Variants in PRPF18 observed in about 807,000 individuals in gnomAD.
PRPF18 encodes pre-mRNA-splicing factor 18.
A neutral mutation model predicts 46.5 loss-of-function variants in PRPF18; 38 were observed. The ratio of observed to expected loss-of-function variants is 0.82; its 90% CI spans 0.63 to 1.07. The LOEUF (loss-of-function observed/expected upper bound fraction) is 1.07. Ranked by LOEUF, PRPF18 falls within the 50% of genes least tolerant of loss-of-function variation. PRPF18 has a pLI of 0.00. For synonymous variants in PRPF18, 152 were observed against 146.7 expected, an observed-to-expected ratio of 1.04 and a Z score of -0.26; for missense variants, 263 against 410.0, an observed-to-expected ratio of 0.64 and a Z score of 3.10.
Position 13,616,556 on chromosome 10 carries a change from A to G in PRPF18, c.948+3A>G, listed in dbSNP as rs753733710. On this transcript the variant is annotated splice_donor_region_variant and intron_variant, in intron 9 of 9. Coordinates refer to ENST00000378572, the MANE Select transcript of PRPF18 (RefSeq NM_003675.4). Reference sequence around the variant, plus strand: ...AAACTCAGCGGAAATATATTCAGGTAAGCAGTTTGGAGAGCCGGGAATTGC... The same window carrying G: ...AAACTCAGCGGAAATATATTCAGGTGAGCAGTTTGGAGAGCCGGGAATTGC... 1 of 1,613,892 alleles carries G rather than the reference A, an allele frequency of 6.2e-7. No individual in the cohort carries two copies. The highest frequency in any genetic ancestry group is 1.7e-5 in the Admixed American group (1 of 59,984).
chr10:13,614,846 G>T (rs2080318624), intron 8 of PRPF18, among the ~76,000 whole-genome samples: 1 of 152,214 alleles, frequency 6.6e-6, no homozygotes, highest in African/African-American at 2.4e-5. Flanking sequence ...GCTTCTTGTG[G>T]CCGTGCCTCC....
the PRPF18 span, chr10:13,651,114 TTCGACGTGAATCTTG>T: frequency 6.6e-6 from 1 of 152,226 alleles, no homozygotes. Context: ...CTTTGCAGAT[TTCGACGTGAATCTTG>T]TTAAATGCAC....
intron 5 of PRPF18, 31 bp downstream of exon 5, chr10:13,610,216 T>G (rs905051719): frequency 6.3e-7 from 1 of 1,598,580 alleles, no homozygotes; most frequent in African/African-American, 1.3e-5. Context: ...AGCACATCCC[T>G]GGCACCCTTC....
chr10:13,599,121 GTTTC>G (rs1288334503), intron 2 of PRPF18, among the ~76,000 whole-genome samples: 5 of 152,124 alleles, frequency 3.3e-5, no homozygotes, highest in Non-Finnish European at 7.4e-5. Context: ...AAGCACAGGT[GTTTC>G]TTTCTAAAGA....
At chr10:13,623,308 C>T (rs1181241319) in intron 9 of PRPF18, among the ~76,000 whole-genome samples, 2 of 152,108 alleles carry the variant, frequency 1.3e-5, no homozygotes, top group Admixed American at 1.3e-4. Context: ...TTACTAAGTA[C>T]ACATTTTTTG....
At chr10:13,653,162 C>A in the PRPF18 span, 1 of 152,334 alleles carries the variant, frequency 6.6e-6, no homozygotes, top group East Asian at 1.9e-4. Flanking sequence ...AGTGTTAGGA[C>A]CCTTTCTTGC....
At position 13,610,054 on chromosome 10, in the gene PRPF18, T is replaced by C. The variant is rs1488865772; in HGVS notation, c.379T>C (p.Leu127=). 6.2e-7 allele frequency: 1 copy of C among 1,611,644 alleles called. No homozygotes were observed. Among genetic ancestry groups the C allele is most frequent in the Non-Finnish European group, 8.5e-7 (1 of 1,178,058 alleles). ...CTTTTCTTAGGGATTGAGGAATGATTTGAAAGCAGCCTTGGATAAGATTGA... is the reference window on the plus strand; with the variant it reads ...CTTTTCTTAGGGATTGAGGAATGATCTGAAAGCAGCCTTGGATAAGATTGA... ...PEVNKGLRND[L]KAALDKIDQQ... The change falls in exon 5 of 10, where the codon TTG becomes CTG. Residue 127 remains leucine, a synonymous_variant. Coordinates refer to ENST00000378572, the MANE Select transcript of PRPF18 (RefSeq NM_003675.4).
chr10:13,621,036 T>C (rs1003756591), intron 9 of PRPF18, among the ~76,000 whole-genome samples: 4 of 152,220 alleles, frequency 2.6e-5, no homozygotes, highest in African/African-American at 9.6e-5. Context: ...GGGTAAAGCT[T>C]CTTTTACATA....
intron 1 of PRPF18, among the ~76,000 whole-genome samples, chr10:13,589,102 C>T (rs942829414): frequency 6.6e-6 from 1 of 152,222 alleles, no homozygotes; most frequent in African/African-American, 2.4e-5. Flanking sequence ...AGGAAACTGT[C>T]AGGCTCCTGA....
the PRPF18 span, chr10:13,645,287 C>G: frequency 2.6e-5 from 4 of 152,094 alleles, no homozygotes; most frequent in Admixed American, 2.6e-4. Context: ...AAACTACCCC[C>G]ACCCTGGCTC....
At position 13,608,357 on chromosome 10, in the gene PRPF18, G is replaced by GGGGCTGGCCAGGCC. The variant is rs572212082; in HGVS notation, c.364-1681_364-1668dup. Among the ~76,000 whole-genome samples the GGGGCTGGCCAGGCC allele has an allele frequency of 8.8e-3, 1,334 of 152,306 alleles. 17 individuals are homozygous for GGGGCTGGCCAGGCC. The highest frequency in any genetic ancestry group is 0.027 in the African/African-American group (1,142 of 41,554). The stretch of plus-strand genomic sequence containing the variant: ...CTCAGTTGGAATGGCAGGAACAGCT[G>GGGGCTGGCCAGGCC]GGGCTGGCCAGGCCCGCTCCCCGAC... On this transcript the variant is annotated intron_variant, in intron 4 of 9. Coordinates refer to ENST00000378572, the MANE Select transcript of PRPF18 (RefSeq NM_003675.4).
intron 2 of PRPF18, among the ~76,000 whole-genome samples, chr10:13,598,970 A>G (rs1350956565): frequency 1.3e-5 from 2 of 152,208 alleles, no homozygotes; most frequent in African/African-American, 4.8e-5. Flanking sequence ...AATTACTGTA[A>G]AGATAATTGT....
chr10:13,601,507 C>T (rs944574150), intron 3 of PRPF18, among the ~76,000 whole-genome samples: 5 of 152,192 alleles, frequency 3.3e-5, no homozygotes, highest in East Asian at 1.9e-4. Flanking sequence ...CCCTGTGCCC[C>T]GATCAGTCCT....
downstream of PRPF18, among the ~76,000 whole-genome samples, chr10:13,635,692 CTTCTT>C (rs2080631318): frequency 6.6e-6 from 1 of 152,090 alleles, no homozygotes; most frequent in African/African-American, 2.4e-5. Flanking sequence ...GCATGTATGT[CTTCTT>C]TTGTGAAGTG....
Position 13,614,122 on chromosome 10 carries a change from GTA to G in PRPF18, c.792+40_792+41del. ...ATGCTGTTCTTTGAAATTGTTAAGA[GTA>G]TATCTAGGTTATGTACGTAATATAA... On this transcript the variant is annotated intron_variant, in intron 8 of 9. Coordinates refer to ENST00000378572, the MANE Select transcript of PRPF18 (RefSeq NM_003675.4). The G allele has an allele frequency of 3.5e-6, 5 of 1,425,788 alleles. No homozygotes were observed. The African/African-American group carries it at 5.7e-5, about 16-fold the overall frequency. The allele number at this position is 1,425,788 out of a possible 1,614,324, so 88.3% of individuals were successfully genotyped here. A position where few individuals can be genotyped will look rare whatever the true frequency, so the allele number is the denominator to read the frequency against.
downstream of PRPF18, among the ~76,000 whole-genome samples, chr10:13,633,176 G>C (rs1305220710): frequency 6.6e-6 from 1 of 152,226 alleles, no homozygotes; most frequent in African/African-American, 2.4e-5. Context: ...ACAAAGGACA[G>C]TCCGAATCTC....
intron 9 of PRPF18, among the ~76,000 whole-genome samples, chr10:13,623,183 A>C (rs1376794615): frequency 6.6e-6 from 1 of 152,048 alleles, no homozygotes; most frequent in Non-Finnish European, 1.5e-5. Context: ...CCTGGGTGAC[A>C]GCGCGAGACT....
At chr10:13,604,567 G>A (rs769034556) in intron 3 of PRPF18, among the ~76,000 whole-genome samples, 1 of 152,144 alleles carries the variant, frequency 6.6e-6, no homozygotes, top group Non-Finnish European at 1.5e-5. Flanking sequence ...GTATTACAAT[G>A]CAGACTGTCC....
intron 9 of PRPF18, among the ~76,000 whole-genome samples, chr10:13,627,326 G>A (rs775306891): frequency 7.9e-5 from 12 of 152,132 alleles, no homozygotes; most frequent in East Asian, 5.8e-4. Context: ...TGGCTTCTTC[G>A]CTACTGTATT....
Sources: gnomAD v4.1 joint callset for allele counts (sites outside exome capture counted in the v4.1 genomes callset) on GRCh38, gnomAD v4.1.1 for gene constraint, MANE v1.5 for transcripts, NCBI Gene and HGNC (gene_info 2026-07-23, HGNC 2026-07-21) for gene names.